The following HECTD4 variants were observed in gnomAD, a reference collection of about 807,000 sequenced individuals.
The protein encoded by HECTD4 is probable E3 ubiquitin-protein ligase HECTD4.
HECTD4 carries 114 observed loss-of-function variants against 471.5 expected under a neutral mutation model. The ratio of observed to expected loss-of-function variants is 0.24; its 90% CI spans 0.21 to 0.28. The LOEUF (loss-of-function observed/expected upper bound fraction) is 0.28. Ranked by LOEUF, HECTD4 falls within the 10% of genes least tolerant of loss-of-function variation. HECTD4 has a pLI of 1.00. For synonymous variants in HECTD4, 2,012 were observed against 2,256.0 expected (o/e 0.89, Z 3.07); for missense variants, 3,866 against 5,651.5 (o/e 0.68, Z 10.13).
Position 112,265,925 on chromosome 12 carries a change from T to C in HECTD4, c.2451A>G (p.Glu817=). ...LRDVILTNLA[E]QLQNNRFGSD... ...TGCCAAATCGGTTGTTTTGGAGCTG[T>C]TCAGCCAGGTTGGTTAGGATCACAT... The change falls in exon 15 of 76, where the codon GAA becomes GAG. Residue 817 remains glutamate, a synonymous_variant. Coordinates refer to ENST00000682272, the MANE Select transcript of HECTD4 (RefSeq NM_001388303.1). 6.2e-7 allele frequency: 1 copy of C among 1,614,030 alleles called. No homozygotes were observed. Among genetic ancestry groups the C allele is most frequent in the South Asian group, 1.1e-5 (1 of 91,080 alleles).
intron 7 of HECTD4, among the ~76,000 whole-genome samples, chr12:112,297,992 A>G (rs2035078036): frequency 6.6e-6 from 1 of 152,176 alleles, no homozygotes; most frequent in East Asian, 1.9e-4. Flanking sequence ...AAAGTGATCA[A>G]CCATGTCAAA....
intron 70 of HECTD4, among the ~76,000 whole-genome samples, chr12:112,168,832 G>A (rs1009588955): frequency 2.0e-5 from 3 of 152,346 alleles, no homozygotes; most frequent in South Asian, 4.1e-4. Flanking sequence ...GGTGTCGAGC[G>A]TGAGTCTGGG....
At chr12:112,252,671 T>TC in intron 22 of HECTD4, 143 bp from the exon 23 acceptor site, 1 of 952,492 alleles carries the variant, frequency 1.0e-6, no homozygotes, top group Non-Finnish European at 1.5e-6. Context: ...TGATTCAAAT[T>TC]CTATTCCCTC....
At chr12:112,318,005 G>C (rs953124805) in intron 2 of HECTD4, among the ~76,000 whole-genome samples, 2 of 148,508 alleles carry the variant, frequency 1.3e-5, no homozygotes, top group Non-Finnish European at 1.5e-5. Flanking sequence ...GCCAGGCACA[G>C]TGGCTCATGC....
intron 37 of HECTD4, 84 bp from the exon 38 acceptor site, chr12:112,233,169 G>A (rs1216508134): frequency 4.2e-6 from 4 of 947,390 alleles, no homozygotes; most frequent in Non-Finnish European, 6.6e-6. Flanking sequence ...ACCCAGTCAT[G>A]GTGAGGCCCT....
intron 66 of HECTD4, among the ~76,000 whole-genome samples, chr12:112,174,157 C>T (rs1308182901): frequency 1.3e-5 from 2 of 151,268 alleles, no homozygotes; most frequent in African/African-American, 2.4e-5. Context: ...TTTGTAGAGA[C>T]GGGGTTTCAC....
Position 112,210,030 on chromosome 12 carries a change from C to T in HECTD4, c.7852G>A (p.Ala2618Thr), listed in dbSNP as rs1381252955. 6.2e-7 allele frequency: 1 copy of T among 1,613,242 alleles called. No individual in the cohort carries two copies. The highest frequency in any genetic ancestry group is 8.5e-7 in the Non-Finnish European group (1 of 1,179,530). Residue 2618 changes from alanine (A) to threonine (T), a missense_variant, in exon 50 of 76, where the codon GCC (alanine) becomes ACC (threonine). Around this residue, in one of 16 missense-constraint regions of HECTD4, gnomAD observed 266 missense variants for 441.6 expected, o/e 0.60. Transcript: ENST00000682272. ...HGPPCRIAAV[A>T]TAQQQYDSDT... is the part of the protein sequence containing the mutation. ...GGTGACTTACGTTGCTGAGCGGTGG[C>T]CACGGCAGCAATCCGGCATGGTGGC... is the stretch of plus-strand genomic sequence containing the variant.
intron 20 of HECTD4, among the ~76,000 whole-genome samples, chr12:112,257,009 T>C (rs1161230822): frequency 1.3e-5 from 2 of 152,230 alleles, no homozygotes; most frequent in African/African-American, 2.4e-5. Context: ...CTTTTCACCA[T>C]AATTTTTACT....
chr12:112,306,603 C>A (rs2035275882), intron 6 of HECTD4, among the ~76,000 whole-genome samples: 1 of 152,104 alleles, frequency 6.6e-6, no homozygotes, highest in East Asian at 1.9e-4. Flanking sequence ...TCTGAAATTT[C>A]TTTAGTAAAT....
intron 44 of HECTD4, among the ~76,000 whole-genome samples, chr12:112,225,865 C>T (rs760177035): frequency 8.5e-5 from 13 of 152,108 alleles, no homozygotes; most frequent in African/African-American, 1.4e-4. Flanking sequence ...TGGGCTCAAG[C>T]GATCCTCCTG....
At chr12:112,282,874 G>A (rs1344913217) in intron 8 of HECTD4, among the ~76,000 whole-genome samples, 1 of 152,172 alleles carries the variant, frequency 6.6e-6, no homozygotes, top group Non-Finnish European at 1.5e-5. Flanking sequence ...ATGATGATAA[G>A]GTGTTTACAG....
At chr12:112,341,217 G>A (rs2036048848) in intron 1 of HECTD4, among the ~76,000 whole-genome samples, 2 of 152,060 alleles carry the variant, frequency 1.3e-5, no homozygotes, top group African/African-American at 4.8e-5. Context: ...CCACCTGCTA[G>A]GGAACATACA....
At chr12:112,277,076 C>T (rs1035034230) in intron 9 of HECTD4, among the ~76,000 whole-genome samples, 1 of 152,196 alleles carries the variant, frequency 6.6e-6, no homozygotes, top group Non-Finnish European at 1.5e-5. Flanking sequence ...AGCGATTCCA[C>T]TCCTACGTAT....
chr12:112,363,733 T>C (rs2135751523), intron 1 of HECTD4, among the ~76,000 whole-genome samples: 2 of 151,968 alleles, frequency 1.3e-5, no homozygotes, highest in Admixed American at 1.3e-4. Flanking sequence ...TCCCAGCACT[T>C]TGGGAGGCCG....
intron 1 of HECTD4, among the ~76,000 whole-genome samples, chr12:112,362,529 G>A (rs962908788): frequency 6.6e-6 from 1 of 152,028 alleles, no homozygotes; most frequent in Non-Finnish European, 1.5e-5. Flanking sequence ...CAGGAGACCA[G>A]GTCAGAGAGG....
chr12:112,233,013 G>A lies in HECTD4; in HGVS notation c.5988C>T (p.Asp1996=). ...NMEKVVKMDR[D]MTKGGCCEVI... Reference sequence around the variant, plus strand: ...AACCTCATGAGGTTACCTTGGTCATGTCTCGATCCATCTTCACAACTTTCT... The same window carrying A: ...AACCTCATGAGGTTACCTTGGTCATATCTCGATCCATCTTCACAACTTTCT... Residue 1996 remains aspartate, a synonymous_variant, in exon 38 of 76, where the codon GAC becomes GAT. Transcript: ENST00000682272. The A allele has an allele frequency of 3.1e-6, 5 of 1,611,484 alleles. No individual in the cohort carries two copies. The South Asian group carries it at 4.4e-5, about 14-fold the overall frequency.
In HECTD4 at chr12:112,179,004, C is replaced by T. The variant is rs370526491; in HGVS notation, c.11290G>A (p.Val3764Met). 1.0e-4 allele frequency: 163 copies of T among 1,613,412 alleles called. 1 individual carries two copies. The highest frequency in any genetic ancestry group is 1.3e-4 in the Non-Finnish European group (156 of 1,179,798). Reference protein sequence around the residue: ...YSKAGKEQHPVKVVSTKRPIT... With the variant: ...YSKAGKEQHPMKVVSTKRPIT... ...GGCCGCTTGGTGCTCACCACCTTCA[C>T]GGGGTGCTGCTCCTTCCCGGCCTTG... is the stretch of plus-strand genomic sequence containing the variant. The change falls in exon 64 of 76, where the codon GTG (valine) becomes ATG (methionine). Residue 3764 changes from valine to methionine, a missense_variant. Val to Met is a conservative substitution (Grantham distance 21). Coordinates refer to ENST00000682272, the MANE Select transcript of HECTD4 (RefSeq NM_001388303.1). This position sits in a 1 kb window ranked among gnomAD's most constrained non-coding sequence, Gnocchi z 4.3.
chr12:112,248,209 A>T (rs766477305), intron 26 of HECTD4, 38 bp from the exon 27 acceptor site: 86 of 1,564,640 alleles, frequency 5.5e-5, no homozygotes, highest in Non-Finnish European at 6.4e-5. Flanking sequence ...AATAAAAACA[A>T]GTATGATTCA....
chr12:112,243,239 T>G lies in HECTD4; in HGVS notation c.4958+114A>C. On this transcript the variant is annotated intron_variant, in intron 32 of 75. Transcript: ENST00000682272. The surrounding 1 kb of genome is among the most constrained non-coding windows in gnomAD (Gnocchi z 6.6). ...TCATGTACCACTTTTATATAAATATTTTAGAGGAAAACATTAGCAAATACT... is the reference window on the plus strand; with the variant it reads ...TCATGTACCACTTTTATATAAATATGTTAGAGGAAAACATTAGCAAATACT... The G allele has an allele frequency of 4.2e-6, 4 of 947,188 alleles. No individual in the cohort carries two copies. The highest frequency in any genetic ancestry group is 6.2e-6 in the Non-Finnish European group (4 of 642,288). The allele number at this position is 947,188 out of a possible 1,614,324, so 58.7% of individuals were successfully genotyped here. A position where few individuals can be genotyped will look rare whatever the true frequency, so the allele number is the denominator to read the frequency against.
Sources: gnomAD v4.1 joint callset for allele counts (sites outside exome capture counted in the v4.1 genomes callset) on GRCh38, gnomAD v4.1.1 for gene constraint, gnomAD v4.1.1 regional missense constraint, Gnocchi (gnomAD v3.1) non-coding constraint, MANE v1.5 for transcripts, NCBI Gene and HGNC (gene_info 2026-07-23, HGNC 2026-07-21) for gene names.